The following PCDH15 variants were observed in gnomAD, a reference collection of about 807,000 sequenced individuals.
PCDH15 encodes protocadherin-15.
PCDH15 carries 129 observed loss-of-function variants against 178.5 expected under a neutral mutation model. The observed-to-expected ratio is 0.72, with a 90% CI of 0.63 to 0.84. The LOEUF (loss-of-function observed/expected upper bound fraction) is 0.84, where lower values mean the gene tolerates loss of function less well. Ranked by LOEUF, PCDH15 falls within the 40% of genes least tolerant of loss-of-function variation. The pLI, the probability that PCDH15 is intolerant of heterozygous loss-of-function variation, is 0.00. For missense variants in PCDH15, 2,230 were observed against 2,099.9 expected (o/e 1.06, Z -1.21); for synonymous variants, 800 against 732.0 (o/e 1.09, Z -1.50).
intron 18 of PCDH15, among the ~76,000 whole-genome samples, chr10:54,057,339 C>G (rs537417812): frequency 3.9e-5 from 6 of 152,350 alleles, no homozygotes; most frequent in African/African-American, 1.4e-4. Flanking sequence ...TCTGCCTGGA[C>G]ATCCAGGCAT....
rs34088427 is a variant in PCDH15 at position 54,443,367 on chromosome 10, G to GT, written c.158-64426dup. Reference sequence around the variant, plus strand: ...TTCGGAAGCCCCTGGGAAATGGGAAGTTTTTTTTCATATTAGATGTTGGTA... The same window carrying GT: ...TTCGGAAGCCCCTGGGAAATGGGAAGTTTTTTTTTCATATTAGATGTTGGTA... On this transcript the variant is annotated intron_variant, in intron 3 of 37. Transcript: ENST00000644397. 4.9e-3 allele frequency among the ~76,000 whole-genome samples: 748 copies of GT among 151,184 alleles called. 11 individuals carry two copies. The highest frequency in any genetic ancestry group is 5.7e-3 in the Non-Finnish European group (387 of 67,598).
intron 3 of PCDH15, chr10:54,486,313 C>G (rs1209315388): frequency 6.6e-6 from 1 of 151,898 alleles, no homozygotes; most frequent in Non-Finnish European, 1.5e-5. Flanking sequence ...TCATTTTCAT[C>G]CTGGTAAGAT....
chr10:53,810,542 A>T lies in PCDH15; in HGVS notation c.4671+14T>A, dbSNP rs1013417496. 5 of 1,602,118 alleles carry T rather than the reference A, an allele frequency of 3.1e-6. No individual in the cohort carries two copies. The East Asian group carries it at 1.1e-4, about 36-fold the overall frequency. On this transcript the variant is annotated intron_variant, in intron 37 of 37. Transcript: ENST00000644397. ...TTGGAATATTATCTTACATAATAAA[A>T]TTACAGTAATTACCTCTTCCTCCTC... is the stretch of plus-strand genomic sequence containing the variant.
chr10:54,008,761 T>C (rs2092470185), intron 20 of PCDH15, among the ~76,000 whole-genome samples: 1 of 152,158 alleles, frequency 6.6e-6, no homozygotes. Context: ...ATAAATGAAT[T>C]ATTTTTCTAT....
chr10:54,268,836 A>G (rs1215169604), intron 8 of PCDH15, among the ~76,000 whole-genome samples: 2 of 151,894 alleles, frequency 1.3e-5, no homozygotes, highest in Non-Finnish European at 2.9e-5. Context: ...TTGATTTAAG[A>G]TATTTTTTGA....
chr10:55,418,064 T>C (rs1198308482), intron 2 of PCDH15, among the ~76,000 whole-genome samples: 2 of 151,660 alleles, frequency 1.3e-5, no homozygotes, highest in African/African-American at 4.8e-5. Flanking sequence ...ATTCTACCTT[T>C]GAAGTGCTTT....
intron 8 of PCDH15, among the ~76,000 whole-genome samples, chr10:54,265,520 T>C (rs577299551): frequency 6.6e-6 from 1 of 151,834 alleles, no homozygotes; most frequent in East Asian, 1.9e-4. Context: ...ATCTGCTGTC[T>C]TCAAGAGACC....
chr10:55,585,718 A>G (rs1842713783), intron 2 of PCDH15, among the ~76,000 whole-genome samples: 2 of 151,846 alleles, frequency 1.3e-5, no homozygotes, highest in Non-Finnish European at 1.5e-5. Context: ...ATACATCTCA[A>G]GTATGTATGT....
At chr10:54,570,808 C>T (rs1468192238) in intron 2 of PCDH15, among the ~76,000 whole-genome samples, 5 of 141,810 alleles carry the variant, frequency 3.5e-5, no homozygotes, top group Admixed American at 2.3e-4. Context: ...TGTGCCACCA[C>T]GCCTGGCTAT....
rs1197546738 is a variant in PCDH15, at chr10:54,134,024, G to A, written c.1785-1017C>T. ...CACATTTGTTATAATTTCTATTTGG[G>A]GATGAGAATCTTTATTTATTTATTT... On this transcript the variant is annotated intron_variant, in intron 14 of 37. Coordinates refer to ENST00000644397, the MANE Select transcript of PCDH15 (RefSeq NM_001384140.1). Among the ~76,000 whole-genome samples the A allele has an allele frequency of 2.0e-4, 27 of 134,314 alleles. 4 individuals carry two copies. The highest frequency in any genetic ancestry group is 7.0e-4 in the African/African-American group (27 of 38,644). The allele number at this position is 134,314 out of a possible 152,430, so 88.1% of individuals were successfully genotyped here. A position where few individuals can be genotyped will look rare whatever the true frequency, so the allele number is the denominator to read the frequency against.
chr10:53,981,243 T>C (rs1364725782), intron 21 of PCDH15, among the ~76,000 whole-genome samples: 1 of 152,224 alleles, frequency 6.6e-6, no homozygotes, highest in East Asian at 1.9e-4. Flanking sequence ...CAGCACATTT[T>C]CTACTTTTGA....
chr10:54,206,732 G>A (rs766666117), intron 10 of PCDH15, among the ~76,000 whole-genome samples: 4 of 151,918 alleles, frequency 2.6e-5, no homozygotes, highest in East Asian at 1.9e-4. Context: ...CTACTGGACC[G>A]TTCTTGAGAC....
intron 26 of PCDH15, among the ~76,000 whole-genome samples, chr10:53,888,863 G>T (rs2081363390): frequency 6.7e-6 from 1 of 150,018 alleles, no homozygotes; most frequent in Non-Finnish European, 1.5e-5. Context: ...GCAGAATGAT[G>T]CAAAGACAAA....
chr10:55,413,298 A>C (rs1838389225), intron 2 of PCDH15, among the ~76,000 whole-genome samples: 1 of 151,486 alleles, frequency 6.6e-6, no homozygotes, highest in Non-Finnish European at 1.5e-5. Flanking sequence ...ATAAAAAAAA[A>C]GGGATAAAGA....
chr10:54,698,763 A>G (rs953709549), intron 1 of PCDH15, among the ~76,000 whole-genome samples: 1 of 152,158 alleles, frequency 6.6e-6, no homozygotes, highest in Admixed American at 6.6e-5. Context: ...GGCACATGAT[A>G]GCCAACATTT....
At chr10:54,527,944 A>G in intron 2 of PCDH15, 67 bp from the exon 3 acceptor site, 1 of 1,202,026 alleles carries the variant, frequency 8.3e-7, no homozygotes. Flanking sequence ...AAAAAAATTC[A>G]TTGAGATGTA....
chr10:54,841,550 A>C (rs995397984), intron 3 of PCDH15, among the ~76,000 whole-genome samples: 1 of 151,744 alleles, frequency 6.6e-6, no homozygotes, highest in Non-Finnish European at 1.5e-5. Flanking sequence ...AAATAATAAA[A>C]ATTAGAGCAA....
intron 28 of PCDH15, among the ~76,000 whole-genome samples, chr10:53,855,781 TA>T (rs1161265461): frequency 2.6e-5 from 4 of 151,346 alleles, no homozygotes; most frequent in Admixed American, 6.6e-5. Flanking sequence ...AGGCAGAGCT[TA>T]AAACCTAGAC....
intron 18 of PCDH15, among the ~76,000 whole-genome samples, chr10:54,060,070 T>C (rs556406906): frequency 1.3e-4 from 20 of 152,222 alleles, no homozygotes; most frequent in African/African-American, 4.3e-4. Context: ...ATAACAAATA[T>C]CTTTCATTTC....
Sources: gnomAD v4.1 joint callset for allele counts (sites outside exome capture counted in the v4.1 genomes callset) on GRCh38, gnomAD v4.1.1 for gene constraint, MANE v1.5 for transcripts, NCBI Gene and HGNC (gene_info 2026-07-23, HGNC 2026-07-21) for gene names.